Variants in GALNT13 observed in about 807,000 individuals in gnomAD.
GALNT13 encodes the protein polypeptide N-acetylgalactosaminyltransferase 13, also known as UDP-GalNAc:polypeptide N-acetylgalactosaminyltransferase 13.
A neutral mutation model predicts 64.2 loss-of-function variants in GALNT13; 28 were observed. The ratio of observed to expected loss-of-function variants is 0.44; its 90% CI spans 0.32 to 0.60. The LOEUF is 0.60. GALNT13 is among the 20% of genes least tolerant of loss of function. The probability of loss-of-function intolerance (pLI) is 0.05; values close to 1 mark genes in which losing one functional copy is unlikely to be tolerated. For synonymous variants in GALNT13, 214 were observed against 224.6 expected (o/e 0.95, Z 0.42); for missense variants, 577 against 669.8 (o/e 0.86, Z 1.53).
intron 4 of GALNT13, among the ~76,000 whole-genome samples, chr2:154,201,608 A>T (rs1488545597): frequency 6.6e-6 from 1 of 152,132 alleles, no homozygotes; most frequent in East Asian, 1.9e-4. Flanking sequence ...TACCAAAACC[A>T]CTGACCATAA....
At chr2:154,368,287 T>TTAGTC (rs1453463170) in intron 9 of GALNT13, among the ~76,000 whole-genome samples, 8 of 152,120 alleles carry the variant, frequency 5.3e-5, no homozygotes, top group Non-Finnish European at 1.0e-4. Flanking sequence ...TCATGTGAGA[T>TTAGTC]TAGTCAGTGT....
In GALNT13 at chr2:154,353,272, G is replaced by C. The variant is rs571769992; in HGVS notation, c.1157-42719G>C. ...AGTTAGCACTCAATGAACCTGCCTT[G>C]TTACAACTTTAAAAAAATTATATTC... On this transcript the variant is annotated intron_variant, in intron 9 of 12. Coordinates refer to ENST00000392825, the MANE Select transcript of GALNT13 (RefSeq NM_052917.4). 4.6e-5 allele frequency among the ~76,000 whole-genome samples: 7 copies of C among 152,164 alleles called. No individual in the cohort carries two copies. The East Asian group carries it at 9.7e-4, about 21-fold the overall frequency.
chr2:154,276,739 T>G (rs1417537515), intron 8 of GALNT13, among the ~76,000 whole-genome samples: 1 of 152,172 alleles, frequency 6.6e-6, no homozygotes, highest in African/African-American at 2.4e-5. Context: ...CCCCTCATGT[T>G]GGAGGGATCT....
the GALNT13 span, among the ~76,000 whole-genome samples, chr2:153,112,893 C>T: frequency 4.6e-5 from 7 of 151,990 alleles, no homozygotes; most frequent in Admixed American, 4.6e-4. Context: ...CAATAGAGAA[C>T]AAGTTGTCAA....
At chr2:153,086,266 G>A in the GALNT13 span, among the ~76,000 whole-genome samples, 1 of 152,154 alleles carries the variant, frequency 6.6e-6, no homozygotes, top group African/African-American at 2.4e-5. Context: ...GCTGAAATGA[G>A]TTAAGACCTT....
At chr2:154,139,424 A>C (rs1683132746) in intron 3 of GALNT13, among the ~76,000 whole-genome samples, 1 of 152,008 alleles carries the variant, frequency 6.6e-6, no homozygotes. Context: ...AAACTCAGTA[A>C]GATTAATGTG....
At chr2:154,090,455 T>C (rs1238594667) in intron 3 of GALNT13, among the ~76,000 whole-genome samples, 1 of 152,054 alleles carries the variant, frequency 6.6e-6, no homozygotes, top group African/African-American at 2.4e-5. Context: ...ATTTCATAAA[T>C]GTAAGCCCAA....
the GALNT13 span, among the ~76,000 whole-genome samples, chr2:153,658,320 AACTACT>A: frequency 1.3e-5 from 2 of 152,140 alleles, no homozygotes; most frequent in African/African-American, 4.8e-5. Flanking sequence ...GCCAATGGCC[AACTACT>A]GAGCCCTGGT....
chr2:153,285,758 TA>T, the GALNT13 span, among the ~76,000 whole-genome samples: 1 of 152,064 alleles, frequency 6.6e-6, no homozygotes, highest in African/African-American at 2.4e-5. Flanking sequence ...TAATATTATT[TA>T]TAATTTTTAA....
intron 11 of GALNT13, among the ~76,000 whole-genome samples, chr2:154,434,688 A>T (rs1700866481): frequency 6.6e-6 from 1 of 152,154 alleles, no homozygotes; most frequent in East Asian, 1.9e-4. Context: ...GAAGGACTAC[A>T]TGAGAATATA....
the GALNT13 span, among the ~76,000 whole-genome samples, chr2:153,724,005 T>C: frequency 6.8e-6 from 1 of 148,106 alleles, no homozygotes; most frequent in Non-Finnish European, 1.5e-5. Context: ...AAGTCAATCC[T>C]AAGCCAAAAG....
chr2:153,080,673 T>C, the GALNT13 span, among the ~76,000 whole-genome samples: 1 of 152,132 alleles, frequency 6.6e-6, no homozygotes, highest in Non-Finnish European at 1.5e-5. Context: ...AGTCTTACAA[T>C]TTTTTGTCCG....
the GALNT13 span, among the ~76,000 whole-genome samples, chr2:153,105,440 G>A: frequency 1.3e-5 from 2 of 152,074 alleles, no homozygotes; most frequent in South Asian, 4.1e-4. Context: ...AAAACTGGAA[G>A]CATTCCCTTT....
the GALNT13 span, among the ~76,000 whole-genome samples, chr2:153,485,665 G>A: frequency 1.3e-5 from 2 of 152,270 alleles, no homozygotes; most frequent in Admixed American, 6.5e-5. Flanking sequence ...CACTTTGGGA[G>A]GCAAAGACAG....
the GALNT13 span, among the ~76,000 whole-genome samples, chr2:153,224,455 A>G: frequency 6.6e-6 from 1 of 151,854 alleles, no homozygotes; most frequent in Non-Finnish European, 1.5e-5. Flanking sequence ...CAGGTAAAAA[A>G]CATGCCCATG....
At chr2:153,126,364 C>T in the GALNT13 span, among the ~76,000 whole-genome samples, 1 of 137,608 alleles carries the variant, frequency 7.3e-6, no homozygotes, top group Admixed American at 7.4e-5. Flanking sequence ...AAGGAAAATC[C>T]ACAGATGTTA....
intron 9 of GALNT13, among the ~76,000 whole-genome samples, chr2:154,322,847 C>T (rs1351307433): frequency 6.6e-6 from 1 of 152,074 alleles, no homozygotes; most frequent in African/African-American, 2.4e-5. Flanking sequence ...ATTCAGCTGG[C>T]AAATGGGCTG....
At chr2:153,080,270 T>C in the GALNT13 span, among the ~76,000 whole-genome samples, 4 of 152,150 alleles carry the variant, frequency 2.6e-5, no homozygotes, top group African/African-American at 9.7e-5. Context: ...ATTTAAGCTG[T>C]TTAGGTTGGA....
chr2:153,613,844 C>A, the GALNT13 span, among the ~76,000 whole-genome samples: 1 of 151,862 alleles, frequency 6.6e-6, no homozygotes, highest in Non-Finnish European at 1.5e-5. Context: ...ATGGGAACAT[C>A]ACGCACTGGG....
Sources: gnomAD v4.1 joint callset for allele counts (sites outside exome capture counted in the v4.1 genomes callset) on GRCh38, gnomAD v4.1.1 for gene constraint, MANE v1.5 for transcripts, NCBI Gene and HGNC (gene_info 2026-07-23, HGNC 2026-07-21) for gene names.